PCDH7: variants seen among roughly 807,000 people sequenced by gnomAD.
The protein encoded by PCDH7 is protocadherin 7, also known as protocadherin-7.
Under a neutral mutation model 58.9 loss-of-function variants are expected in PCDH7, and 17 were observed. That is an observed-to-expected ratio of 0.29 (90% CI 0.20 to 0.43). The LOEUF is 0.43. Ranked by LOEUF, PCDH7 falls within the 20% of genes least tolerant of loss-of-function variation. The pLI, the probability that PCDH7 is intolerant of heterozygous loss-of-function variation, is 1.00. For missense variants in PCDH7, 1,274 were observed against 1,441.0 expected, an observed-to-expected ratio of 0.88 and a Z score of 1.88; for synonymous variants, 664 against 616.4, an observed-to-expected ratio of 1.08 and a Z score of -1.14.
intron 3 of PCDH7, among the ~76,000 whole-genome samples, chr4:31,108,204 C>T (rs1044520705): frequency 5.9e-5 from 9 of 151,632 alleles, no homozygotes; most frequent in African/African-American, 2.2e-4. Flanking sequence ...ATTCCTCTGT[C>T]CTACCCTAGT....
intron 1 of PCDH7, among the ~76,000 whole-genome samples, chr4:30,825,699 G>A (rs1159249719): frequency 6.6e-6 from 1 of 152,130 alleles, no homozygotes; most frequent in Non-Finnish European, 1.5e-5. Flanking sequence ...GGACTTTTGA[G>A]AAGTGACCAC....
At chr4:31,127,335 G>C (rs1297057190) in intron 3 of PCDH7, among the ~76,000 whole-genome samples, 1 of 152,094 alleles carries the variant, frequency 6.6e-6, no homozygotes, top group African/African-American at 2.4e-5. Context: ...TTTGTTAAGC[G>C]CAGACACGTT....
At chr4:30,827,383 C>A (rs537698745) in intron 1 of PCDH7, among the ~76,000 whole-genome samples, 8 of 152,172 alleles carry the variant, frequency 5.3e-5, no homozygotes, top group African/African-American at 1.9e-4. Flanking sequence ...GGACACAAAC[C>A]CAAGTCTCTG....
At chr4:30,834,526 T>C (rs537107860) in intron 1 of PCDH7, among the ~76,000 whole-genome samples, 3 of 152,284 alleles carry the variant, frequency 2.0e-5, no homozygotes, top group Non-Finnish European at 4.4e-5. Flanking sequence ...TAATGTCTTC[T>C]TAAATGTGTC....
intron 1 of PCDH7, among the ~76,000 whole-genome samples, chr4:30,751,674 C>CAGAGCT (rs1231796050): frequency 6.6e-6 from 1 of 152,074 alleles, no homozygotes. Flanking sequence ...GTGACCTCCA[C>CAGAGCT]AGAGCTAGGT....
intron 3 of PCDH7, among the ~76,000 whole-genome samples, chr4:31,142,127 A>G (rs946936459): frequency 6.6e-6 from 1 of 152,154 alleles, no homozygotes; most frequent in Non-Finnish European, 1.5e-5. Flanking sequence ...GATGTGGAAA[A>G]TATTAGCACC....
intron 3 of PCDH7, among the ~76,000 whole-genome samples, chr4:31,081,833 C>G (rs1474357402): frequency 6.6e-6 from 1 of 150,562 alleles, no homozygotes; most frequent in Non-Finnish European, 1.5e-5. Context: ...AGTGCAGTGG[C>G]ACTATCTTGG....
intron 1 of PCDH7, among the ~76,000 whole-genome samples, chr4:30,766,329 A>G (rs1391259018): frequency 6.6e-6 from 1 of 152,142 alleles, no homozygotes; most frequent in Non-Finnish European, 1.5e-5. Flanking sequence ...CAGGAGTTTG[A>G]GACCAACCTG....
intron 3 of PCDH7, among the ~76,000 whole-genome samples, chr4:30,950,978 T>A (rs569417610): frequency 2.0e-5 from 3 of 152,234 alleles, no homozygotes; most frequent in Non-Finnish European, 4.4e-5. Flanking sequence ...CTTGACTTCT[T>A]TTTTCACTAG....
chr4:30,827,802 T>C (rs930948886), intron 1 of PCDH7, among the ~76,000 whole-genome samples: 3 of 152,112 alleles, frequency 2.0e-5, no homozygotes, highest in Admixed American at 1.3e-4. Context: ...TGCATAGATG[T>C]CAATTCTGGA....
intron 3 of PCDH7, among the ~76,000 whole-genome samples, chr4:31,134,580 G>A (rs1719371391): frequency 6.6e-6 from 1 of 152,130 alleles, no homozygotes; most frequent in African/African-American, 2.4e-5. Context: ...ATTATTTCAG[G>A]GGCCTATTGC....
At chr4:30,782,786 C>T (rs1368249405) in intron 1 of PCDH7, among the ~76,000 whole-genome samples, 1 of 152,172 alleles carries the variant, frequency 6.6e-6, no homozygotes, top group Non-Finnish European at 1.5e-5. Flanking sequence ...GCAAGGCCTA[C>T]TTGTTCAGAT....
At chr4:30,839,819 A>G (rs1730976757) in intron 1 of PCDH7, among the ~76,000 whole-genome samples, 1 of 152,172 alleles carries the variant, frequency 6.6e-6, no homozygotes, top group Admixed American at 6.6e-5. Context: ...AAAAGGCTTG[A>G]CTGGAAACCT....
At chr4:31,035,780 A>G (rs1364630431) in intron 3 of PCDH7, among the ~76,000 whole-genome samples, 1 of 152,206 alleles carries the variant, frequency 6.6e-6, no homozygotes, top group Non-Finnish European at 1.5e-5. Context: ...TCATTATTTT[A>G]AAACATGTTT....
intron 1 of PCDH7, among the ~76,000 whole-genome samples, chr4:30,800,905 G>A (rs1423762952): frequency 6.6e-6 from 1 of 152,190 alleles, no homozygotes; most frequent in African/African-American, 2.4e-5. Context: ...TAAACATTTG[G>A]AAGTCATTGG....
At chr4:30,970,273 G>A (rs1181674706) in intron 3 of PCDH7, among the ~76,000 whole-genome samples, 1 of 151,390 alleles carries the variant, frequency 6.6e-6, no homozygotes, top group Admixed American at 6.6e-5. Flanking sequence ...GGCACAAATA[G>A]TACTTCATGT....
chr4:31,040,540 C>A (rs546406114), intron 3 of PCDH7, among the ~76,000 whole-genome samples: 9 of 152,042 alleles, frequency 5.9e-5, no homozygotes, highest in African/African-American at 2.2e-4. Flanking sequence ...TTGAAATAAA[C>A]GAGAATTGAT....
chr4:30,756,098 A>G (rs1719265162), intron 1 of PCDH7, among the ~76,000 whole-genome samples: 1 of 152,134 alleles, frequency 6.6e-6, no homozygotes, highest in South Asian at 2.1e-4. Flanking sequence ...CAACCAACCA[A>G]CAAACAAAAT....
rs1553909431 is a variant in PCDH7 at position 30,894,490 on chromosome 4, A to AAAAT, written c.71-25662_71-25661insAATA. Among the ~76,000 whole-genome samples, 40 of 33,472 alleles carry AAAAT rather than the reference A, an allele frequency of 1.2e-3. 1 individual carries two copies. The highest frequency in any genetic ancestry group is 1.9e-3 in the Non-Finnish European group (33 of 17,242). The allele number at this position is 33,472 out of a possible 152,430, so 22.0% of individuals were successfully genotyped here. On this transcript the variant is annotated intron_variant, in intron 1 of 3. Transcript: ENST00000509759. ...AAAAAAAAAAAAAAAAAAAAAAAAA[A>AAAAT]ATATATATATATATATATATATATA...
Sources: gnomAD v4.1 joint callset for allele counts (sites outside exome capture counted in the v4.1 genomes callset) on GRCh38, gnomAD v4.1.1 for gene constraint, MANE v1.5 for transcripts, NCBI Gene and HGNC (gene_info 2026-07-23, HGNC 2026-07-21) for gene names.